Variants in IQCE observed in about 807,000 individuals in gnomAD.
IQCE encodes the protein IQ motif containing E.
In IQCE, 115 loss-of-function variants were observed where a neutral mutation model predicts 96.0. That is an observed-to-expected ratio of 1.20 (90% CI 1.03 to 1.40). The LOEUF (loss-of-function observed/expected upper bound fraction) is 1.40. IQCE is among the 40% of genes most tolerant of loss of function. IQCE has a pLI of 0.00. For synonymous variants in IQCE, 412 were observed against 371.2 expected, an observed-to-expected ratio of 1.11 and a Z score of -1.26; for missense variants, 1,041 against 909.1, an observed-to-expected ratio of 1.15 and a Z score of -1.87.
intron 4 of IQCE, 71 bp downstream of exon 4, chr7:2,571,725 G>C (rs1781769906): frequency 3.4e-6 from 5 of 1,481,856 alleles, no homozygotes; most frequent in Non-Finnish European, 3.7e-6. Flanking sequence ...GGAGTGGTTT[G>C]AGATGGAGTT....
In IQCE at chr7:2,578,358, A is replaced by C; in HGVS notation, c.579+3A>C. 1 of 1,613,760 alleles carries C rather than the reference A, an allele frequency of 6.2e-7. No individual in the cohort carries two copies. The highest frequency in any genetic ancestry group is 1.1e-5 in the South Asian group (1 of 91,076). ...AGCAGCTCCTGGATCCCAGCCGCGT[A>C]AGCTCCTGGCGCTTCACGGACGGGG... On this transcript the variant is annotated splice_donor_region_variant and intron_variant, in intron 7 of 21. Transcript: ENST00000402050.
At chr7:2,597,505 G>C (rs73033694) in intron 16 of IQCE, among the ~76,000 whole-genome samples, 15 of 152,186 alleles carry the variant, frequency 9.9e-5, no homozygotes, top group Non-Finnish European at 2.9e-5. Context: ...CGCCTGGCCC[G>C]GTGTGCACTG....
At chr7:2,565,336 C>A (rs985612947) in intron 1 of IQCE, among the ~76,000 whole-genome samples, 1 of 152,028 alleles carries the variant, frequency 6.6e-6, no homozygotes, top group Non-Finnish European at 1.5e-5. Flanking sequence ...GATTTCCGGT[C>A]CTGACTGCGT....
chr7:2,566,901 C>T (rs556543396), intron 1 of IQCE, among the ~76,000 whole-genome samples: 6 of 152,308 alleles, frequency 3.9e-5, no homozygotes, highest in Admixed American at 1.3e-4. Context: ...TGCTGGGCGG[C>T]GTTTTGTGTT....
intron 5 of IQCE, among the ~76,000 whole-genome samples, 199 bp from the exon 6 acceptor site, chr7:2,573,219 A>C (rs1160698755): frequency 6.6e-6 from 1 of 152,140 alleles, no homozygotes. Context: ...ATCTCTCTCT[A>C]TCTACCATTT....
intron 13 of IQCE, among the ~76,000 whole-genome samples, chr7:2,588,654 GTTTTTTTTTTTTTT>G (rs370704456): frequency 6.0e-5 from 3 of 49,750 alleles, no homozygotes; most frequent in African/African-American, 8.7e-5. Context: ...TGCCTGGCTG[GTTTTTTTTTTTTTT>G]TTTTTTTTTT....
At chr7:2,560,481 C>T (rs917928385) in intron 1 of IQCE, among the ~76,000 whole-genome samples, 1 of 152,154 alleles carries the variant, frequency 6.6e-6, no homozygotes, top group Non-Finnish European at 1.5e-5. Context: ...GTGCTGCTGG[C>T]CAACTTGGAG....
At position 2,583,704 on chromosome 7, in the gene IQCE, G is replaced by C. The variant is rs770873677; in HGVS notation, c.769G>C (p.Glu257Gln). ...EMRIAMETYYEEVHRLQTLLA... is the reference protein window; with the variant it reads ...EMRIAMETYYQEVHRLQTLLA... ...GCGGATCGCCATGGAGACATACTAC[G>C]AGGAGGTGCGCCGTGCTGGGCGGCG... is the stretch of plus-strand genomic sequence containing the variant. Residue 257 changes from glutamate (E) to glutamine (Q), a missense_variant, in exon 10 of 22, where the codon GAG (glutamate) becomes CAG (glutamine). Transcript: ENST00000402050. 2.6e-6 allele frequency: 4 copies of C among 1,527,568 alleles called. No individual in the cohort carries two copies. The South Asian group carries it at 3.4e-5, about 13-fold the overall frequency. 94.6% of individuals were successfully genotyped at this position (1,527,568 alleles called of 1,614,324 possible). A position where few individuals can be genotyped will look rare whatever the true frequency, so the allele number is the denominator to read the frequency against.
At chr7:2,593,607 C>G (rs1474853942) in intron 15 of IQCE, among the ~76,000 whole-genome samples, 1 of 152,254 alleles carries the variant, frequency 6.6e-6, no homozygotes, top group Non-Finnish European at 1.5e-5. Flanking sequence ...CCTGGAAAAC[C>G]TGGTGCTCGG....
intron 18 of IQCE, among the ~76,000 whole-genome samples, chr7:2,602,348 T>G (rs1030034335): frequency 2.6e-5 from 4 of 152,174 alleles, no homozygotes; most frequent in South Asian, 4.1e-4. Context: ...ATGACCCTTT[T>G]TAGGGAGGAG....
intron 2 of IQCE, among the ~76,000 whole-genome samples, chr7:2,567,496 G>A (rs930970625): frequency 1.2e-4 from 18 of 152,300 alleles, no homozygotes; most frequent in Admixed American, 2.6e-4. Context: ...TAATGCCGTC[G>A]GAAGGACCCG....
At chr7:2,589,211 A>G (rs924554517) in intron 13 of IQCE, among the ~76,000 whole-genome samples, 15 of 152,124 alleles carry the variant, frequency 9.9e-5, no homozygotes, top group Non-Finnish European at 2.1e-4. Flanking sequence ...CTACAAAAAT[A>G]AAAACAATTA....
chr7:2,565,021 T>C (rs1353141330), intron 1 of IQCE, among the ~76,000 whole-genome samples: 1 of 152,154 alleles, frequency 6.6e-6, no homozygotes, highest in Non-Finnish European at 1.5e-5. Context: ...TGGAAATAAG[T>C]GGCAACCTCA....
Position 2,605,873 on chromosome 7 carries a change from C to G in IQCE, c.1744-3C>G. Reference sequence around the variant, plus strand: ...CGTCTTCCCTGCTGTCCTTGCACCCCAGAGCTCTCCTGTGCCCCGCGTTCC... The same window carrying G: ...CGTCTTCCCTGCTGTCCTTGCACCCGAGAGCTCTCCTGTGCCCCGCGTTCC... On this transcript the variant is annotated splice_region_variant and splice_polypyrimidine_tract_variant and intron_variant, in intron 19 of 21. Transcript: ENST00000402050. 3.8e-6 allele frequency: 6 copies of G among 1,592,842 alleles called. No individual in the cohort carries two copies. Among genetic ancestry groups the G allele is most frequent in the Non-Finnish European group, 5.1e-6 (6 of 1,170,888 alleles).
intron 6 of IQCE, among the ~76,000 whole-genome samples, chr7:2,575,485 G>A (rs1782050735): frequency 6.6e-6 from 1 of 152,242 alleles, no homozygotes; most frequent in Non-Finnish European, 1.5e-5. Context: ...TGGCCTTGTT[G>A]CCGCCAGGTA....
chr7:2,581,352 C>T (rs1470341121), intron 8 of IQCE, among the ~76,000 whole-genome samples: 2 of 151,888 alleles, frequency 1.3e-5, no homozygotes, highest in Admixed American at 1.3e-4. Context: ...ATTACAAGCA[C>T]CTACCACCAT....
chr7:2,599,000 G>A (rs1055053945), intron 17 of IQCE, among the ~76,000 whole-genome samples: 3 of 152,042 alleles, frequency 2.0e-5, no homozygotes, highest in Non-Finnish European at 2.9e-5. Flanking sequence ...CTCACCTAAC[G>A]GCCCTTCCTA....
rs1158897872 is a variant in IQCE at position 2,572,251 on chromosome 7, C to T, written c.319C>T (p.Pro107Ser). 1 of 1,614,162 alleles carries T rather than the reference C, an allele frequency of 6.2e-7. No individual in the cohort carries two copies. The highest frequency in any genetic ancestry group is 8.5e-7 in the Non-Finnish European group (1 of 1,179,986). ...CTGGGAGCATGCGTGGACTGGCGTCCCCGGCGGCACTCCTGACTGTCTGAC... is the reference window on the plus strand; with the variant it reads ...CTGGGAGCATGCGTGGACTGGCGTCTCCGGCGGCACTCCTGACTGTCTGAC... ...LTWEHAWTGV[P>S]GGTPDCLTDT... The change falls in exon 5 of 22, where the codon CCC (proline) becomes TCC (serine). Residue 107 changes from proline (P) to serine (S), a missense_variant. Pro to Ser is a moderately conservative substitution (Grantham distance 74). Transcript: ENST00000402050.
intron 11 of IQCE, among the ~76,000 whole-genome samples, chr7:2,585,900 G>A (rs1485896876): frequency 2.0e-5 from 3 of 152,198 alleles, no homozygotes; most frequent in East Asian, 3.8e-4. Context: ...CAAGCACCTG[G>A]CGTAACAAGA....
Sources: allele counts gnomAD v4.1 joint callset (sites outside exome capture counted in the v4.1 genomes callset), GRCh38; gene constraint gnomAD v4.1.1; transcripts MANE v1.5; gene names NCBI Gene and HGNC (gene_info 2026-07-23, HGNC 2026-07-21).